Variants in NKAIN3 observed in about 807,000 individuals in gnomAD.
NKAIN3 encodes sodium/potassium transporting ATPase interacting 3.
In NKAIN3, 25 loss-of-function variants were observed where a neutral mutation model predicts 30.2. That is an observed-to-expected ratio of 0.83 (90% CI 0.60 to 1.16). The LOEUF (loss-of-function observed/expected upper bound fraction) is 1.16. Ranked by LOEUF, NKAIN3 falls within the 50% of genes most tolerant of loss-of-function variation. The pLI is 0.00. For missense variants in NKAIN3, 225 were observed against 254.1 expected (o/e 0.89, Z 0.78); for synonymous variants, 91 against 89.6 (o/e 1.02, Z -0.09).
In NKAIN3 at chr8:62,278,023, C is replaced by A. The variant is rs73683080; in HGVS notation, c.54+28896C>A. On this transcript the variant is annotated intron_variant, in intron 1 of 6. Coordinates refer to ENST00000623646, the MANE Select transcript of NKAIN3 (RefSeq NM_001304533.3). The stretch of plus-strand genomic sequence containing the variant: ...ACAAGACAGGTATTGGAGATCAGCA[C>A]GGAGACAGGCAGAGCAAGTAAGAGA... 9.9e-3 allele frequency among the ~76,000 whole-genome samples: 1,508 copies of A among 152,144 alleles called. 34 individuals are homozygous for A. The highest frequency in any genetic ancestry group is 0.035 in the African/African-American group (1,436 of 41,498).
chr8:62,517,913 C>T (rs1808042855), intron 1 of NKAIN3, among the ~76,000 whole-genome samples: 1 of 149,476 alleles, frequency 6.7e-6, no homozygotes, highest in African/African-American at 2.6e-5. Context: ...TAGAGCTATA[C>T]CTGTATCTGT....
intron 4 of NKAIN3, among the ~76,000 whole-genome samples, chr8:62,915,557 T>C (rs1316048116): frequency 1.3e-5 from 2 of 152,202 alleles, no homozygotes; most frequent in Non-Finnish European, 2.9e-5. Context: ...GTAAGATTTG[T>C]GTTGTTTTAA....
chr8:62,624,472 T>G (rs1470395815), intron 3 of NKAIN3, among the ~76,000 whole-genome samples: 2 of 151,868 alleles, frequency 1.3e-5, no homozygotes, highest in African/African-American at 4.8e-5. Context: ...ATGTAATTCT[T>G]TGCTCCTCTG....
intron 1 of NKAIN3, among the ~76,000 whole-genome samples, chr8:62,441,011 G>A (rs1805308510): frequency 6.6e-6 from 1 of 151,980 alleles, no homozygotes; most frequent in Admixed American, 6.6e-5. Context: ...GGCTTCATCT[G>A]GTGCTACTTA....
chr8:62,925,630 C>T (rs1306081807), intron 5 of NKAIN3, among the ~76,000 whole-genome samples: 1 of 152,176 alleles, frequency 6.6e-6, no homozygotes, highest in Non-Finnish European at 1.5e-5. Context: ...GTGGTCCTAA[C>T]TGCCAATATC....
intron 1 of NKAIN3, among the ~76,000 whole-genome samples, chr8:62,416,824 G>A (rs1421725361): frequency 2.6e-5 from 4 of 151,710 alleles, no homozygotes; most frequent in Admixed American, 6.6e-5. Flanking sequence ...GTGAAACCCC[G>A]TCTCTACTAA....
At chr8:62,812,943 G>A (rs922145741) in intron 4 of NKAIN3, among the ~76,000 whole-genome samples, 1 of 151,822 alleles carries the variant, frequency 6.6e-6, no homozygotes, top group Non-Finnish European at 1.5e-5. Flanking sequence ...TTCTGTGTTT[G>A]TTATCTTTTC....
chr8:62,367,557 A>T (rs756624447), intron 1 of NKAIN3, among the ~76,000 whole-genome samples: 8 of 152,202 alleles, frequency 5.3e-5, no homozygotes, highest in Non-Finnish European at 1.0e-4. Context: ...ATTAGATATG[A>T]TTTAGTATGT....
chr8:62,307,615 G>A lies in NKAIN3; in HGVS notation c.54+58488G>A, dbSNP rs1425750137. On this transcript the variant is annotated intron_variant, in intron 1 of 6. Transcript: ENST00000623646. ...GTTTAACTCCACATGTATGTTTTGT[G>A]CCTCTCTTGTGCACAATCACTGTTT... Among the ~76,000 whole-genome samples, 5 of 150,674 alleles carry A rather than the reference G, an allele frequency of 3.3e-5. 1 individual carries two copies. Among genetic ancestry groups the A allele is most frequent in the East Asian group, 1.9e-4 (1 of 5,162 alleles).
Position 62,354,818 on chromosome 8 carries a change from C to A in NKAIN3, c.54+105691C>A, listed in dbSNP as rs561528824. On this transcript the variant is annotated intron_variant, in intron 1 of 6. Transcript: ENST00000623646. ...TATCCAATCCTTAAGCCCCATTTCC[C>A]ACAGGGGACATAAAGAAGGCTCCCT... Among the ~76,000 whole-genome samples, 243 of 152,200 alleles carry A rather than the reference C, an allele frequency of 1.6e-3. 6 individuals carry two copies. Among genetic ancestry groups the A allele is most frequent in the South Asian group, 2.1e-4 (1 of 4,824 alleles).
At chr8:62,960,449 GATTTCAATGGCAAGA>G (rs953706332) in intron 6 of NKAIN3, among the ~76,000 whole-genome samples, 1 of 151,682 alleles carries the variant, frequency 6.6e-6, no homozygotes, top group African/African-American at 2.4e-5. Flanking sequence ...ATTTGCCATT[GATTTCAATGGCAAGA>G]AAATAGATTT....
intron 1 of NKAIN3, among the ~76,000 whole-genome samples, chr8:62,443,027 T>C (rs1805374575): frequency 6.6e-6 from 1 of 152,074 alleles, no homozygotes; most frequent in Non-Finnish European, 1.5e-5. Context: ...GTATATTCCA[T>C]GTGTACTTAA....
chr8:62,511,456 C>T (rs891848372), intron 1 of NKAIN3, among the ~76,000 whole-genome samples: 1 of 152,172 alleles, frequency 6.6e-6, no homozygotes, highest in Non-Finnish European at 1.5e-5. Flanking sequence ...CCTTGTACCC[C>T]TCCGGCTGTT....
intron 1 of NKAIN3, among the ~76,000 whole-genome samples, chr8:62,367,704 C>T (rs1041429500): frequency 2.0e-5 from 3 of 152,056 alleles, no homozygotes; most frequent in African/African-American, 7.2e-5. Context: ...ACTCTCAACA[C>T]TACTATTCAG....
intron 5 of NKAIN3, among the ~76,000 whole-genome samples, chr8:62,938,210 G>A (rs1047325230): frequency 6.6e-6 from 1 of 152,084 alleles, no homozygotes; most frequent in Non-Finnish European, 1.5e-5. Flanking sequence ...CCAGGTGACC[G>A]TAGGGGAAGT....
rs549213490 is a variant in NKAIN3, at chr8:62,668,888, C to T, written c.274-78044C>T. 6.3e-4 allele frequency among the ~76,000 whole-genome samples: 96 copies of T among 152,166 alleles called. 1 individual carries two copies. The highest frequency in any genetic ancestry group is 3.4e-3 in the Middle Eastern group (1 of 294). On this transcript the variant is annotated intron_variant, in intron 3 of 6. Transcript: ENST00000623646. ...TCTGTCTATAAATTCAGGATGGTGCCTCTTGATAGCAGTCATAACAATGAC... is the reference window on the plus strand; with the variant it reads ...TCTGTCTATAAATTCAGGATGGTGCTTCTTGATAGCAGTCATAACAATGAC...
chr8:62,340,127 T>C (rs1203096454), intron 1 of NKAIN3, among the ~76,000 whole-genome samples: 1 of 152,110 alleles, frequency 6.6e-6, no homozygotes, highest in Non-Finnish European at 1.5e-5. Context: ...GAAAACTGTA[T>C]TTTTATGTTT....
In NKAIN3 at chr8:62,976,448, G is replaced by C. The variant is rs1413807701; in HGVS notation, c.*11041G>C. On this transcript the variant is annotated 3_prime_UTR_variant, in exon 7 of 7. Coordinates refer to ENST00000623646, the MANE Select transcript of NKAIN3 (RefSeq NM_001304533.3). Reference sequence around the variant, plus strand: ...TTTTACTATTATGTAATGGCCTTCTGTGTCTGTTTTGATTTTTGTTGGCTT... The same window carrying C: ...TTTTACTATTATGTAATGGCCTTCTCTGTCTGTTTTGATTTTTGTTGGCTT... Among the ~76,000 whole-genome samples, 2 of 151,974 alleles carry C rather than the reference G, an allele frequency of 1.3e-5. No individual in the cohort carries two copies. The highest frequency in any genetic ancestry group is 2.9e-5 in the Non-Finnish European group (2 of 67,962).
intron 1 of NKAIN3, among the ~76,000 whole-genome samples, chr8:62,528,295 A>AT (rs1356061585): frequency 2.5e-5 from 3 of 118,136 alleles, no homozygotes; most frequent in African/African-American, 1.1e-4. Flanking sequence ...TGATATATAT[A>AT]TATATTATAT....
Sources: gnomAD v4.1 joint callset for allele counts (sites outside exome capture counted in the v4.1 genomes callset) on GRCh38, gnomAD v4.1.1 for gene constraint, MANE v1.5 for transcripts, NCBI Gene and HGNC (gene_info 2026-07-23, HGNC 2026-07-21) for gene names.